Variants in PDLIM5 observed in about 807,000 individuals in gnomAD.
PDLIM5 encodes PDZ and LIM domain protein 5.
A neutral mutation model predicts 64.2 loss-of-function variants in PDLIM5; 34 were observed. The ratio of observed to expected loss-of-function variants is 0.53; its 90% CI spans 0.40 to 0.71. The LOEUF (loss-of-function observed/expected upper bound fraction) is 0.71, where lower values mean the gene tolerates loss of function less well. PDLIM5 is among the 30% of genes least tolerant of loss of function. The probability of loss-of-function intolerance (pLI) is 0.00; values close to 1 mark genes in which losing one functional copy is unlikely to be tolerated. For missense variants in PDLIM5, 683 were observed against 733.6 expected (o/e 0.93, Z 0.80); for synonymous variants, 253 against 269.1 (o/e 0.94, Z 0.59).
intron 8 of PDLIM5, among the ~76,000 whole-genome samples, chr4:94,624,152 T>TA (rs962466580): frequency 4.1e-4 from 58 of 140,422 alleles, no homozygotes; most frequent in East Asian, 1.0e-3. Context: ...CTCCACAAAT[T>TA]AAAAAAAAAA....
chr4:94,530,943 GTT>G (rs1730820591), intron 3 of PDLIM5, among the ~76,000 whole-genome samples: 1 of 152,124 alleles, frequency 6.6e-6, no homozygotes, highest in African/African-American at 2.4e-5. Context: ...CAACTCTGCT[GTT>G]TCTTTCACCA....
intron 2 of PDLIM5, among the ~76,000 whole-genome samples, chr4:94,479,862 A>G (rs1231818949): frequency 6.6e-6 from 1 of 152,122 alleles, no homozygotes; most frequent in East Asian, 1.9e-4. Context: ...GCAGAAGTAT[A>G]CTGGCAAAAG....
chr4:94,593,992 A>G (rs932803680), intron 7 of PDLIM5, among the ~76,000 whole-genome samples: 1 of 152,122 alleles, frequency 6.6e-6, no homozygotes, highest in Admixed American at 6.5e-5. Context: ...CTAATTATAT[A>G]TAATTGCATA....
intron 3 of PDLIM5, among the ~76,000 whole-genome samples, chr4:94,548,363 T>A (rs968658442): frequency 6.6e-6 from 1 of 152,156 alleles, no homozygotes; most frequent in Non-Finnish European, 1.5e-5. Context: ...TATAAAGAAG[T>A]CTTTAAGACT....
chr4:94,618,299 C>T (rs1738950508), intron 8 of PDLIM5, 108 bp downstream of exon 8: 1 of 649,764 alleles, frequency 1.5e-6, no homozygotes, highest in Non-Finnish European at 2.5e-6. Flanking sequence ...TTCTCAATAA[C>T]CTAAGATTTA....
chr4:94,560,308 T>C (rs540439382), intron 3 of PDLIM5, among the ~76,000 whole-genome samples: 10 of 152,278 alleles, frequency 6.6e-5, no homozygotes, highest in African/African-American at 2.2e-4. Context: ...TTGAGAAGAC[T>C]GTTTAGAAGA....
In PDLIM5 at chr4:94,588,036, G is replaced by A. The variant is rs1048399511; in HGVS notation, c.920+1592G>A. The A allele has an allele frequency of 3.1e-5, 28 of 908,192 alleles. No individual in the cohort carries two copies. The African/African-American group carries it at 4.9e-4, about 16-fold the overall frequency. The allele number at this position is 908,192 out of a possible 1,614,324, so 56.3% of individuals were successfully genotyped here. On this transcript the variant is annotated intron_variant, in intron 7 of 12. Coordinates refer to ENST00000317968, the MANE Select transcript of PDLIM5 (RefSeq NM_006457.5). ...TATGACCAGAAATGCTTTCTGCCTTGTAATATAGTGTATTATATATTAGAG... is the reference window on the plus strand; with the variant it reads ...TATGACCAGAAATGCTTTCTGCCTTATAATATAGTGTATTATATATTAGAG...
chr4:94,561,735 C>G (rs928070651), intron 3 of PDLIM5, among the ~76,000 whole-genome samples: 2 of 152,170 alleles, frequency 1.3e-5, no homozygotes, highest in African/African-American at 4.8e-5. Flanking sequence ...GAATCTAATA[C>G]TTTTCAGATT....
chr4:94,508,419 G>C (rs1190256490), intron 2 of PDLIM5, among the ~76,000 whole-genome samples: 1 of 152,200 alleles, frequency 6.6e-6, no homozygotes, highest in East Asian at 1.9e-4. Context: ...GAAGGAAAAG[G>C]CTCCCTTGGA....
intron 2 of PDLIM5, among the ~76,000 whole-genome samples, chr4:94,518,014 G>T (rs1255434569): frequency 6.6e-6 from 1 of 152,086 alleles, no homozygotes; most frequent in Non-Finnish European, 1.5e-5. Flanking sequence ...GCAAATAGAG[G>T]TTATTGTGTA....
intron 9 of PDLIM5, among the ~76,000 whole-genome samples, chr4:94,640,744 AT>A (rs1256886214): frequency 1.3e-5 from 2 of 152,154 alleles, no homozygotes; most frequent in Non-Finnish European, 2.9e-5. Flanking sequence ...GAATAATAAA[AT>A]TTTAAGACTC....
chr4:94,460,761 A>C (rs1723808865), intron 2 of PDLIM5, among the ~76,000 whole-genome samples: 1 of 152,232 alleles, frequency 6.6e-6, no homozygotes, highest in Non-Finnish European at 1.5e-5. Flanking sequence ...TAGATAATGT[A>C]CAGCTGTATA....
At chr4:94,524,083 T>C (rs1730108434) in intron 3 of PDLIM5, among the ~76,000 whole-genome samples, 1 of 152,116 alleles carries the variant, frequency 6.6e-6, no homozygotes, top group Non-Finnish European at 1.5e-5. Flanking sequence ...AGGCATGTAT[T>C]CCCATACTAA....
At chr4:94,591,880 G>A (rs538975891) in intron 7 of PDLIM5, among the ~76,000 whole-genome samples, 1 of 152,278 alleles carries the variant, frequency 6.6e-6, no homozygotes, top group Admixed American at 6.5e-5. Flanking sequence ...TCATATTTTT[G>A]TAGACCCCAG....
chr4:94,509,946 C>T (rs573392944), intron 2 of PDLIM5, among the ~76,000 whole-genome samples: 1 of 152,314 alleles, frequency 6.6e-6, no homozygotes, highest in East Asian at 1.9e-4. Flanking sequence ...GGGATCAATA[C>T]TTTGTATCCT....
intron 2 of PDLIM5, among the ~76,000 whole-genome samples, chr4:94,471,861 GTACTTACAAAGATCTTATAAGTATTTA>G (rs1484406035): frequency 2.0e-4 from 31 of 151,806 alleles, no homozygotes; most frequent in Admixed American, 3.9e-4. Context: ...ATAAGTATTT[GTACTTACAAAGATCTTATAAGTATTTA>G]TACTTACAAA....
At chr4:94,587,549 A>G in intron 7 of PDLIM5, 2 of 920,974 alleles carry the variant, frequency 2.2e-6, no homozygotes, top group Non-Finnish European at 2.6e-6. Context: ...AAATTATTCT[A>G]AATAAGTAAA....
At position 94,662,504 on chromosome 4, in the gene PDLIM5, C is replaced by G. The variant is rs144847144; in HGVS notation, c.1668C>G (p.Gly556=). The G allele has an allele frequency of 4.4e-6, 7 of 1,601,424 alleles. No individual in the cohort carries two copies. Among genetic ancestry groups the G allele is most frequent in the Non-Finnish European group, 6.0e-6 (7 of 1,168,506 alleles). The change falls in exon 12 of 13, where the codon GGC becomes GGG. Residue 556 remains glycine (G), a synonymous_variant. Transcript: ENST00000317968. The part of the protein sequence containing the change: ...EAGDMFLEAL[G]YTWHDTCFVC... ...GTGACATGTTCCTGGAAGCTCTGGG[C>G]TACACCTGGCATGACACTTGCTTTG...
chr4:94,610,620 A>G (rs6849063), intron 7 of PDLIM5, among the ~76,000 whole-genome samples: 9,714 of 152,222 alleles, frequency 0.064, 1,070 homozygotes, highest in African/African-American at 0.22. Flanking sequence ...ATTTGAAACA[A>G]TAAAGTATTA....
Sources: gnomAD v4.1 joint callset for allele counts (sites outside exome capture counted in the v4.1 genomes callset) on GRCh38, gnomAD v4.1.1 for gene constraint, MANE v1.5 for transcripts, NCBI Gene and HGNC (gene_info 2026-07-23, HGNC 2026-07-21) for gene names.